Variants in UNC13C observed in about 807,000 individuals in gnomAD.
UNC13C encodes the protein protein unc-13 homolog C.
Under a neutral mutation model 245.4 loss-of-function variants are expected in UNC13C, and 174 were observed. The observed-to-expected ratio is 0.71, with a 90% CI of 0.63 to 0.80. The LOEUF is 0.80. Ranked by LOEUF, UNC13C falls within the 30% of genes least tolerant of loss-of-function variation. The pLI is 0.00. For synonymous variants in UNC13C, 992 were observed against 895.1 expected, an observed-to-expected ratio of 1.11 and a Z score of -1.93; for missense variants, 2,829 against 2,602.9, an observed-to-expected ratio of 1.09 and a Z score of -1.89.
intron 16 of UNC13C, among the ~76,000 whole-genome samples, chr15:54,334,948 T>A (rs1166372378): frequency 5.3e-5 from 8 of 151,790 alleles, no homozygotes; most frequent in Admixed American, 5.3e-4. Context: ...CAACCCTCAC[T>A]ACCAGTTGAT....
chr15:53,889,548 T>G, the UNC13C span, among the ~76,000 whole-genome samples: 1 of 152,326 alleles, frequency 6.6e-6, no homozygotes, highest in Admixed American at 6.5e-5. Flanking sequence ...ATTTATTTCT[T>G]TCTCTTGCCT....
intron 19 of UNC13C, among the ~76,000 whole-genome samples, chr15:54,431,531 T>G (rs973645856): frequency 1.8e-4 from 27 of 151,862 alleles, no homozygotes; most frequent in African/African-American, 5.5e-4. Flanking sequence ...AATATTTTTA[T>G]TGTTTCACTA....
In UNC13C at chr15:54,332,100, T is replaced by G; in HGVS notation, c.4483T>G (p.Ser1495Ala). Reference protein sequence around the residue: ...QLHNSLRIDLSKYRENFPASN... With the variant: ...QLHNSLRIDLAKYRENFPASN... ...ACATAACTCTTTGAGGATTGATCTG[T>G]CAAAGTATAGGGTATGTACAAATTT... Residue 1495 changes from serine (S) to alanine (A), a missense_variant, in exon 15 of 33, where the codon TCA (serine) becomes GCA (alanine). Coordinates refer to ENST00000260323, the MANE Select transcript of UNC13C (RefSeq NM_001080534.3). 6.3e-7 allele frequency: 1 copy of G among 1,575,114 alleles called. No individual in the cohort carries two copies. Among genetic ancestry groups the G allele is most frequent in the Non-Finnish European group, 8.6e-7 (1 of 1,158,382 alleles).
the UNC13C span, among the ~76,000 whole-genome samples, chr15:53,892,770 C>G: frequency 6.6e-5 from 10 of 152,102 alleles, no homozygotes; most frequent in Admixed American, 6.6e-4. Flanking sequence ...AGAAATTCAT[C>G]TAACCTTTTT....
chr15:53,944,932 T>C, the UNC13C span, among the ~76,000 whole-genome samples: 1 of 152,304 alleles, frequency 6.6e-6, no homozygotes, highest in Admixed American at 6.5e-5. Flanking sequence ...ATCTGTTATT[T>C]TTTACTTTTT....
intron 8 of UNC13C, among the ~76,000 whole-genome samples, chr15:54,260,722 A>G (rs891686561): frequency 2.0e-5 from 3 of 148,610 alleles, no homozygotes; most frequent in Non-Finnish European, 4.5e-5. Flanking sequence ...CAAAATATAT[A>G]TATAACTTTA....
intron 19 of UNC13C, among the ~76,000 whole-genome samples, chr15:54,426,203 C>T (rs1384195733): frequency 4.6e-5 from 7 of 151,232 alleles, no homozygotes; most frequent in African/African-American, 7.3e-5. Context: ...ATTCAGTAAT[C>T]TGGGCATGAT....
chr15:54,315,513 A>C (rs2037986112), intron 13 of UNC13C, among the ~76,000 whole-genome samples: 1 of 151,038 alleles, frequency 6.6e-6, no homozygotes, highest in South Asian at 2.1e-4. Context: ...TTCTTGTATA[A>C]TTTCCTTTCA....
intron 2 of UNC13C, among the ~76,000 whole-genome samples, chr15:54,047,603 T>C (rs540622930): frequency 6.6e-6 from 1 of 152,276 alleles, no homozygotes; most frequent in Non-Finnish European, 1.5e-5. Context: ...TAAGGCTAAA[T>C]AATATTCCAT....
At position 54,143,106 on chromosome 15, in the gene UNC13C, A is replaced by G. The variant is rs1412452090; in HGVS notation, c.3006+66A>G. On this transcript the variant is annotated intron_variant, in intron 3 of 32. Transcript: ENST00000260323. Reference sequence around the variant, plus strand: ...TCTTTTGTACATGTTTGTTTGTGACATATTAGATCTGTTTGATTCCTCTGT... The same window carrying G: ...TCTTTTGTACATGTTTGTTTGTGACGTATTAGATCTGTTTGATTCCTCTGT... 4.2e-6 allele frequency: 6 copies of G among 1,427,590 alleles called. No homozygotes were observed. The East Asian group carries it at 6.8e-5, about 16-fold the overall frequency. The allele number at this position is 1,427,590 out of a possible 1,614,324, so 88.4% of individuals were successfully genotyped here. A position where few individuals can be genotyped will look rare whatever the true frequency, so the allele number is the denominator to read the frequency against.
rs553739384 is a variant in UNC13C at position 54,448,556 on chromosome 15, G to T, written c.4933+33489G>T. ...GCCTTCTTTGTCGCTTTTGATCTTT[G>T]TTGGTTTAAAGTCTGTTTTATCAGA... On this transcript the variant is annotated intron_variant, in intron 19 of 32. Transcript: ENST00000260323. Among the ~76,000 whole-genome samples the T allele has an allele frequency of 1.1e-4, 17 of 152,162 alleles. No individual in the cohort carries two copies. The East Asian group carries it at 3.1e-3, about 28-fold the overall frequency.
At chr15:54,071,541 G>A (rs1340509220) in intron 2 of UNC13C, among the ~76,000 whole-genome samples, 2 of 152,078 alleles carry the variant, frequency 1.3e-5, no homozygotes, top group Non-Finnish European at 2.9e-5. Flanking sequence ...CATATGATCA[G>A]TTCTGAATGG....
At chr15:54,113,085 G>A (rs1008014167) in intron 2 of UNC13C, among the ~76,000 whole-genome samples, 12 of 126,356 alleles carry the variant, frequency 9.5e-5, no homozygotes, top group Non-Finnish European at 2.3e-4. Context: ...TGTTAGGCGA[G>A]ATTTTTTTTT....
At chr15:54,305,676 C>G (rs2037707227) in intron 13 of UNC13C, among the ~76,000 whole-genome samples, 1 of 151,978 alleles carries the variant, frequency 6.6e-6, no homozygotes, top group Non-Finnish European at 1.5e-5. Context: ...TAGAACGCAA[C>G]ATTTGAAGCC....
rs564966141 is a variant in UNC13C at position 54,234,657 on chromosome 15, C to G, written c.3072-373C>G. On this transcript the variant is annotated intron_variant, in intron 4 of 32. Coordinates refer to ENST00000260323, the MANE Select transcript of UNC13C (RefSeq NM_001080534.3). ...ATAATGAAGGTAATTTATTTAGCAC[C>G]ATAGCCAGACCAAACTTGCACCAAA... Among the ~76,000 whole-genome samples, 9 of 152,196 alleles carry G rather than the reference C, an allele frequency of 5.9e-5. 1 individual carries two copies. In the South Asian group the frequency reaches 1.7e-3, roughly 28 times the overall value.
At chr15:53,882,022 G>T in the UNC13C span, among the ~76,000 whole-genome samples, 1 of 152,116 alleles carries the variant, frequency 6.6e-6, no homozygotes, top group South Asian at 2.1e-4. Context: ...GAGACACTTA[G>T]GTTTGAGGAT....
rs545181925 is a variant in UNC13C, at chr15:54,129,885, G to C, written c.2984-13133G>C. Among the ~76,000 whole-genome samples the C allele has an allele frequency of 5.3e-3, 536 of 101,120 alleles. 5 individuals are homozygous for C. Among genetic ancestry groups the C allele is most frequent in the African/African-American group, 0.02 (518 of 26,476 alleles). 66.3% of individuals were successfully genotyped at this position (101,120 alleles called of 152,430 possible). Reference sequence around the variant, plus strand: ...TTCCATGTCATAAGTTTACGTTATTGTCTTTTTTTTTGTACTTTGAGTTTA... The same window carrying C: ...TTCCATGTCATAAGTTTACGTTATTCTCTTTTTTTTTGTACTTTGAGTTTA... On this transcript the variant is annotated intron_variant, in intron 2 of 32. Transcript: ENST00000260323.
the UNC13C span, among the ~76,000 whole-genome samples, chr15:53,838,925 A>G: frequency 6.6e-6 from 1 of 152,088 alleles, no homozygotes; most frequent in African/African-American, 2.4e-5. Context: ...TTTGTTATTA[A>G]GTAATATTTG....
intron 2 of UNC13C, among the ~76,000 whole-genome samples, chr15:54,041,039 G>T (rs1320507522): frequency 1.3e-5 from 2 of 152,134 alleles, no homozygotes; most frequent in Non-Finnish European, 2.9e-5. Context: ...TATACTCATT[G>T]TTTACCTGCT....
Sources: allele counts gnomAD v4.1 joint callset (sites outside exome capture counted in the v4.1 genomes callset), GRCh38; gene constraint gnomAD v4.1.1; transcripts MANE v1.5; gene names NCBI Gene and HGNC (gene_info 2026-07-23, HGNC 2026-07-21).